The following CTNNA2 variants were observed in gnomAD, a reference collection of about 807,000 sequenced individuals.
CTNNA2 encodes the protein catenin alpha-2.
Under a neutral mutation model 101.0 loss-of-function variants are expected in CTNNA2, and 42 were observed. That is an observed-to-expected ratio of 0.42 (90% CI 0.32 to 0.54). CTNNA2 has a LOEUF of 0.54. CTNNA2 is among the 20% of genes least tolerant of loss of function. The probability of loss-of-function intolerance (pLI) is 0.14; values close to 1 mark genes in which losing one functional copy is unlikely to be tolerated. For synonymous variants in CTNNA2, 450 were observed against 456.4 expected (o/e 0.99, Z 0.18); for missense variants, 871 against 1,223.1 (o/e 0.71, Z 4.29).
chr2:80,447,860 T>C (rs903326568), intron 9 of CTNNA2, among the ~76,000 whole-genome samples: 6 of 152,186 alleles, frequency 3.9e-5, no homozygotes, highest in Non-Finnish European at 7.4e-5. Flanking sequence ...AGATGAGGTA[T>C]GGCTGAGAAA....
intron 9 of CTNNA2, among the ~76,000 whole-genome samples, chr2:80,441,336 T>C (rs898302929): frequency 2.0e-5 from 3 of 152,220 alleles, no homozygotes; most frequent in Non-Finnish European, 4.4e-5. Context: ...ATTCCTCTTG[T>C]GTAGTTCTTC....
chr2:79,526,091 AG>A (rs1159664957), intron 1 of CTNNA2, among the ~76,000 whole-genome samples: 2 of 152,156 alleles, frequency 1.3e-5, no homozygotes, highest in African/African-American at 2.4e-5. Context: ...TTCTTAACCA[AG>A]GCAAGTTAAT....
At chr2:79,637,256 G>A (rs966989541) in intron 1 of CTNNA2, among the ~76,000 whole-genome samples, 4 of 152,188 alleles carry the variant, frequency 2.6e-5, no homozygotes, top group Non-Finnish European at 4.4e-5. Context: ...AGCCAGAAAA[G>A]GGGTGAAATT....
At chr2:79,868,210 T>C (rs571795243) in intron 4 of CTNNA2, among the ~76,000 whole-genome samples, 1 of 152,272 alleles carries the variant, frequency 6.6e-6, no homozygotes, top group African/African-American at 2.4e-5. Context: ...TTTTTATAAT[T>C]AGGGAAAAAA....
chr2:79,867,629 A>T (rs1682240416), intron 4 of CTNNA2, among the ~76,000 whole-genome samples: 1 of 152,208 alleles, frequency 6.6e-6, no homozygotes, highest in Non-Finnish European at 1.5e-5. Context: ...TTGGAAAAAT[A>T]TTTTATTGAA....
chr2:80,256,073 A>G (rs1007828508), intron 7 of CTNNA2, among the ~76,000 whole-genome samples: 1 of 152,086 alleles, frequency 6.6e-6, no homozygotes, highest in African/African-American at 2.4e-5. Context: ...CTAATCACAG[A>G]CAGCCAGCAC....
chr2:79,834,042 A>G (rs1367812755), intron 3 of CTNNA2, among the ~76,000 whole-genome samples: 7 of 152,144 alleles, frequency 4.6e-5, no homozygotes, highest in Admixed American at 1.3e-4. Flanking sequence ...TTTGCTTGAA[A>G]CACACAATTG....
chr2:79,942,686 A>G (rs1005359888), intron 7 of CTNNA2, among the ~76,000 whole-genome samples: 1 of 152,118 alleles, frequency 6.6e-6, no homozygotes, highest in African/African-American at 2.4e-5. Flanking sequence ...CCAACCCAAG[A>G]GGCATACTTG....
At chr2:80,361,071 T>C (rs780097694) in intron 7 of CTNNA2, among the ~76,000 whole-genome samples, 1 of 152,076 alleles carries the variant, frequency 6.6e-6, no homozygotes, top group Admixed American at 6.6e-5. Context: ...CTGGCCTTCA[T>C]TGCCTCCAAC....
intron 9 of CTNNA2, among the ~76,000 whole-genome samples, chr2:80,433,173 G>C (rs1041524284): frequency 5.9e-5 from 9 of 152,100 alleles, no homozygotes; most frequent in Admixed American, 5.9e-4. Flanking sequence ...GTTACGTAGA[G>C]CTTAAAAAAA....
chr2:80,514,793 G>A (rs1369344859), intron 9 of CTNNA2, among the ~76,000 whole-genome samples: 3 of 152,058 alleles, frequency 2.0e-5, no homozygotes, highest in Non-Finnish European at 4.4e-5. Context: ...ATCTTTATAG[G>A]CACAGGATGG....
chr2:80,318,810 C>T (rs1678390730), intron 7 of CTNNA2, among the ~76,000 whole-genome samples: 1 of 152,076 alleles, frequency 6.6e-6, no homozygotes, highest in African/African-American at 2.4e-5. Context: ...AGGATTCTTT[C>T]CAAGCCCGTA....
chr2:79,550,367 GCAGT>G (rs1270771400), intron 1 of CTNNA2, among the ~76,000 whole-genome samples: 1 of 152,110 alleles, frequency 6.6e-6, no homozygotes, highest in Admixed American at 6.6e-5. Flanking sequence ...GCACATTTCT[GCAGT>G]CAAAGACAAT....
At chr2:79,724,786 G>A (rs999721396) in intron 2 of CTNNA2, among the ~76,000 whole-genome samples, 3 of 136,360 alleles carry the variant, frequency 2.2e-5, no homozygotes, top group African/African-American at 8.6e-5. Flanking sequence ...CTGCATTCCA[G>A]CCGGGGCGAC....
chr2:80,554,313 T>C (rs568128523), intron 11 of CTNNA2, among the ~76,000 whole-genome samples: 2 of 152,320 alleles, frequency 1.3e-5, no homozygotes, highest in African/African-American at 2.4e-5. Flanking sequence ...ATTTTAACTA[T>C]TTATGAACTA....
intron 8 of CTNNA2, among the ~76,000 whole-genome samples, chr2:80,404,343 C>T (rs562217069): frequency 6.6e-6 from 1 of 151,708 alleles, no homozygotes; most frequent in East Asian, 2.0e-4. Flanking sequence ...CAAAAAAACA[C>T]AGCTCCTGGA....
intron 7 of CTNNA2, among the ~76,000 whole-genome samples, chr2:80,217,087 C>G (rs1477227758): frequency 6.6e-6 from 1 of 152,060 alleles, no homozygotes; most frequent in Non-Finnish European, 1.5e-5. Flanking sequence ...CCACCTCGGC[C>G]TCCCAAAATG....
At chr2:79,405,189 C>A (rs954949545) in intron 4 of CTNNA2, among the ~76,000 whole-genome samples, 1 of 152,004 alleles carries the variant, frequency 6.6e-6, no homozygotes, top group Non-Finnish European at 1.5e-5. Context: ...TGCAGAGACT[C>A]CCTCTTTCCT....
chr2:80,466,205 T>G (rs2149479300), intron 9 of CTNNA2, among the ~76,000 whole-genome samples: 1 of 152,298 alleles, frequency 6.6e-6, no homozygotes, highest in South Asian at 2.1e-4. Context: ...ATCTGAATCC[T>G]GCTGGAGGGA....
Sources: allele counts gnomAD v4.1 joint callset (sites outside exome capture counted in the v4.1 genomes callset), GRCh38; gene constraint gnomAD v4.1.1; transcripts MANE v1.5; gene names NCBI Gene and HGNC (gene_info 2026-07-23, HGNC 2026-07-21).